The following PCCB variants were observed in gnomAD, a reference collection of about 807,000 sequenced individuals.
PCCB encodes the protein propionyl-CoA carboxylase subunit beta.
A neutral mutation model predicts 60.7 loss-of-function variants in PCCB; 43 were observed. That is an observed-to-expected ratio of 0.71 (90% CI 0.55 to 0.91). The LOEUF is 0.91. Among genes scored for constraint, PCCB ranks in the 40% least tolerant of loss-of-function variants. The probability of loss-of-function intolerance (pLI) is 0.00; values close to 1 mark genes in which losing one functional copy is unlikely to be tolerated. For missense variants in PCCB, 766 were observed against 702.8 expected (o/e 1.09, Z -1.02); for synonymous variants, 276 against 255.9 (o/e 1.08, Z -0.75).
chr3:136,328,791 A>G lies in PCCB; in HGVS notation c.1432A>G (p.Asn478Asp). Residue 478 changes from asparagine (N) to aspartate (D), a missense_variant, in exon 14 of 15, where the codon AAT (asparagine) becomes GAT (aspartate). By Grantham distance (23) the Asn-to-Asp change is conservative. Transcript: ENST00000251654. ...AVEIIFKGHE[N>D]VEAAQAEYIE... ...GGAGATCATCTTCAAAGGGCATGAG[A>G]ATGTGGAAGCTGCTCAGGCAGAGTA... 6.2e-7 allele frequency: 1 copy of G among 1,614,138 alleles called. No individual in the cohort carries two copies. Among genetic ancestry groups the G allele is most frequent in the African/African-American group, 1.3e-5 (1 of 75,068 alleles).
chr3:136,282,559 A>T (rs2108179800), intron 5 of PCCB, among the ~76,000 whole-genome samples: 1 of 152,380 alleles, frequency 6.6e-6, no homozygotes, highest in South Asian at 2.1e-4. Context: ...CTGGTAAGAC[A>T]GGAACTTTGC....
intron 6 of PCCB, among the ~76,000 whole-genome samples, chr3:136,287,361 A>G (rs1004840255): frequency 6.6e-6 from 1 of 151,394 alleles, no homozygotes; most frequent in Non-Finnish European, 1.5e-5. Context: ...TTCTTTGAAA[A>G]TGTAGTTCAT....
intron 9 of PCCB, among the ~76,000 whole-genome samples, chr3:136,305,337 T>A (rs1934420614): frequency 8.5e-6 from 1 of 116,976 alleles, no homozygotes; most frequent in Non-Finnish European, 1.9e-5. Flanking sequence ...AGTGATCCAC[T>A]TGCCTCGGCC....
chr3:136,293,925 G>T, intron 7 of PCCB, 61 bp downstream of exon 7: 1 of 972,534 alleles, frequency 1.0e-6, no homozygotes, highest in South Asian at 1.3e-5. Flanking sequence ...CATTGCCAAA[G>T]AGCCTGGTGG....
chr3:136,264,744 G>A (rs574673231), intron 5 of PCCB, among the ~76,000 whole-genome samples: 7 of 151,650 alleles, frequency 4.6e-5, no homozygotes, highest in African/African-American at 7.2e-5. Flanking sequence ...GTGTGGTGGC[G>A]GGCGCCTGTA....
rs577557896 is a variant in PCCB, at chr3:136,287,407, G to T, written c.654+3460G>T. On this transcript the variant is annotated intron_variant, in intron 6 of 14. Coordinates refer to ENST00000251654, the MANE Select transcript of PCCB (RefSeq NM_000532.5). ...AGCTGTGTAGTAAGTGTGTGTGTGT[G>T]TTTTTTCTTTTGTGTGTGTTTGGTG... is the stretch of plus-strand genomic sequence containing the variant. Among the ~76,000 whole-genome samples, 281 of 150,634 alleles carry T rather than the reference G, an allele frequency of 1.9e-3. 1 individual carries two copies. The highest frequency in any genetic ancestry group is 3.5e-3 in the African/African-American group (145 of 41,182).
At chr3:136,295,149 A>C (rs551730201) in intron 7 of PCCB, among the ~76,000 whole-genome samples, 1 of 152,210 alleles carries the variant, frequency 6.6e-6, no homozygotes, top group African/African-American at 2.4e-5. Context: ...CCACACAGCA[A>C]TGTAACTAAA....
At chr3:136,319,596 C>A (rs1412237582) in intron 10 of PCCB, among the ~76,000 whole-genome samples, 4 of 152,116 alleles carry the variant, frequency 2.6e-5, no homozygotes, top group Non-Finnish European at 4.4e-5. Flanking sequence ...CGGGGTTTCG[C>A]CATGTTGGCC....
Position 136,316,922 on chromosome 3 carries a change from A to C in PCCB, c.967-19A>C. ...TTGTCTTTACCATTTTGAGCTCAGA[A>C]GTAAATTTATTCCTGCAGGTTGTTG... On this transcript the variant is annotated intron_variant, in intron 9 of 14. Transcript: ENST00000251654. 6.2e-7 allele frequency: 1 copy of C among 1,613,724 alleles called. No homozygotes were observed. Among genetic ancestry groups the C allele is most frequent in the Non-Finnish European group, 8.5e-7 (1 of 1,179,592 alleles).
Position 136,306,949 on chromosome 3 carries a change from C to T in PCCB, c.966+5838C>T, listed in dbSNP as rs557861228. On this transcript the variant is annotated intron_variant, in intron 9 of 14. Coordinates refer to ENST00000251654, the MANE Select transcript of PCCB (RefSeq NM_000532.5). ...CAAACTAGAGAAAATATTAACTGTT[C>T]GATTTTTAAAATAAGGAGAAATACT... 7.4e-5 allele frequency among the ~76,000 whole-genome samples: 9 copies of T among 122,254 alleles called. 2 individuals are homozygous for T. Among genetic ancestry groups the T allele is most frequent in the Non-Finnish European group, 1.1e-4 (6 of 54,914 alleles). 80.2% of individuals were successfully genotyped at this position (122,254 alleles called of 152,430 possible). A position where few individuals can be genotyped will look rare whatever the true frequency, so the allele number is the denominator to read the frequency against.
chr3:136,318,231 C>G (rs1028831320), intron 10 of PCCB, among the ~76,000 whole-genome samples: 14 of 152,062 alleles, frequency 9.2e-5, no homozygotes, highest in African/African-American at 3.1e-4. Flanking sequence ...TGTAGTCCAG[C>G]TACTTGGGAG....
At chr3:136,312,663 AAC>A (rs1934714937) in intron 9 of PCCB, among the ~76,000 whole-genome samples, 2 of 152,224 alleles carry the variant, frequency 1.3e-5, no homozygotes, top group South Asian at 2.1e-4. Flanking sequence ...ACTAAAAGAA[AAC>A]ACAGATGAAT....
chr3:136,258,877 T>C (rs1056277641), intron 3 of PCCB, among the ~76,000 whole-genome samples: 3 of 151,966 alleles, frequency 2.0e-5, no homozygotes, highest in Non-Finnish European at 4.4e-5. Context: ...TCCTGGGTTG[T>C]CTTCTCCTTG....
intron 6 of PCCB, among the ~76,000 whole-genome samples, chr3:136,293,348 C>T (rs1305030887): frequency 2.6e-5 from 4 of 152,188 alleles, no homozygotes; most frequent in Admixed American, 1.3e-4. Flanking sequence ...TGACTGGTTG[C>T]ATACAGTCTC....
At chr3:136,328,352 C>T (rs909894178) in intron 13 of PCCB, among the ~76,000 whole-genome samples, 3 of 152,312 alleles carry the variant, frequency 2.0e-5, no homozygotes, top group African/African-American at 7.2e-5. Context: ...ATTGTATACT[C>T]AGGTCTTAGG....
intron 6 of PCCB, among the ~76,000 whole-genome samples, chr3:136,292,956 A>G (rs1933766520): frequency 6.6e-6 from 1 of 152,190 alleles, no homozygotes; most frequent in South Asian, 2.1e-4. Flanking sequence ...TCTATATATT[A>G]GAAACTAAAA....
At chr3:136,328,006 G>C (rs1560034567) in intron 13 of PCCB, among the ~76,000 whole-genome samples, 1 of 152,162 alleles carries the variant, frequency 6.6e-6, no homozygotes, top group African/African-American at 2.4e-5. Flanking sequence ...GTCCAGAGTG[G>C]TTTTGAGATT....
At chr3:136,299,947 C>T (rs111211412) in intron 8 of PCCB, among the ~76,000 whole-genome samples, 7 of 151,682 alleles carry the variant, frequency 4.6e-5, no homozygotes, top group African/African-American at 1.5e-4. Context: ...TACGCATATG[C>T]ATACATATAT....
chr3:136,267,859 G>A (rs888740827), intron 5 of PCCB, among the ~76,000 whole-genome samples: 3 of 150,688 alleles, frequency 2.0e-5, no homozygotes, highest in African/African-American at 7.3e-5. Flanking sequence ...TGTGGGTCAT[G>A]CTTCTATTGT....
Sources: gnomAD v4.1 joint callset for allele counts (sites outside exome capture counted in the v4.1 genomes callset) on GRCh38, gnomAD v4.1.1 for gene constraint, MANE v1.5 for transcripts, NCBI Gene and HGNC (gene_info 2026-07-23, HGNC 2026-07-21) for gene names.